The following SYNE1 variants were observed in gnomAD, a reference collection of about 807,000 sequenced individuals.
SYNE1 encodes nesprin-1.
In SYNE1, 616 loss-of-function variants were observed where a neutral mutation model predicts 1,111.0. The ratio of observed to expected loss-of-function variants is 0.55; its 90% confidence interval spans 0.52 to 0.59. The LOEUF is 0.59. SYNE1 is among the 20% of genes least tolerant of loss of function. The pLI is 0.00. For missense variants in SYNE1, 10,006 were observed against 10,417.0 expected (o/e 0.96, Z 1.72); for synonymous variants, 3,855 against 3,825.8 (o/e 1.01, Z -0.28).
intron 9 of SYNE1, among the ~76,000 whole-genome samples, chr6:152,503,223 AG>A (rs547485338): frequency 1.4e-3 from 219 of 152,262 alleles, no homozygotes; most frequent in Non-Finnish European, 2.0e-3. Context: ...AATATAGACA[AG>A]CCCCCTCTCT....
rs115563689 is a variant in SYNE1 at position 152,553,557 on chromosome 6, A to G, written c.68-13536T>C. On this transcript the variant is annotated intron_variant, in intron 3 of 145. Coordinates refer to ENST00000367255, the MANE Select transcript of SYNE1 (RefSeq NM_182961.4). ...GCTACAAACTATAAAGAGTTCTCCT[A>G]TCCACGGACATCTTGACCGCCTATC... Among the ~76,000 whole-genome samples the G allele has an allele frequency of 5.3e-3, 803 of 152,224 alleles. 3 individuals carry two copies. The highest frequency in any genetic ancestry group is 0.019 in the African/African-American group (782 of 41,526).
In SYNE1 at chr6:152,426,487, G is replaced by C. The variant is rs542258432; in HGVS notation, c.5101-940C>G. 4.6e-5 allele frequency among the ~76,000 whole-genome samples: 7 copies of C among 152,362 alleles called. No homozygotes were observed. The South Asian group carries it at 1.4e-3, about 32-fold the overall frequency. On this transcript the variant is annotated intron_variant, in intron 38 of 145. Transcript: ENST00000367255. ...GGCGAGGCTGCCTTACTGACGCAAT[G>C]TCAGGATGCAGGAGTAACAGAGTCT...
chr6:152,634,828 C>T lies in SYNE1; in HGVS notation c.-224+1810G>A, dbSNP rs561573363. Among the ~76,000 whole-genome samples, 702 of 152,336 alleles carry T rather than the reference C, an allele frequency of 4.6e-3. 3 individuals are homozygous for T. The highest frequency in any genetic ancestry group is 7.0e-3 in the Non-Finnish European group (475 of 68,042). On this transcript the variant is annotated intron_variant, in intron 2 of 145. Coordinates refer to ENST00000367255, the MANE Select transcript of SYNE1 (RefSeq NM_182961.4). ...TTCCCTTGCTACAGTATATTGCACA[C>T]CTTGCCAAACATTAGTTCTCGTTAG...
At chr6:152,590,798 C>T (rs1037568808) in intron 3 of SYNE1, among the ~76,000 whole-genome samples, 3 of 152,328 alleles carry the variant, frequency 2.0e-5, no homozygotes, top group African/African-American at 7.2e-5. Context: ...ACTCGTCTCA[C>T]ATACTAATTC....
chr6:152,390,387 C>G lies in SYNE1; in HGVS notation c.8070G>C (p.Gln2690His). The G allele has an allele frequency of 6.2e-7, 1 of 1,614,176 alleles. No individual in the cohort carries two copies. Among genetic ancestry groups the G allele is most frequent in the Non-Finnish European group, 8.5e-7 (1 of 1,180,024 alleles). ...CTTCTTTGTTGCTACTTCTCAAGGC[C>G]TGTTCCCCCTTGCCAATGGCCATAT... The part of the protein sequence containing the change: ...KLNMAIGKGE[Q>H]ALRSSNKEGQ... Residue 2690 changes from glutamine to histidine, a missense_variant, in exon 53 of 146, where the codon CAG (glutamine) becomes CAC (histidine). Coordinates refer to ENST00000367255, the MANE Select transcript of SYNE1 (RefSeq NM_182961.4).
chr6:152,308,823 T>C (rs1392399608), intron 90 of SYNE1, among the ~76,000 whole-genome samples, 191 bp from the exon 91 acceptor site: 1 of 152,220 alleles, frequency 6.6e-6, no homozygotes, highest in Non-Finnish European at 1.5e-5. Context: ...TAAAATGTTG[T>C]AGCAAAATTA....
intron 3 of SYNE1, among the ~76,000 whole-genome samples, chr6:152,596,385 A>T (rs1242236787): frequency 6.6e-6 from 1 of 150,912 alleles, no homozygotes; most frequent in African/African-American, 2.4e-5. Flanking sequence ...CATCCTGAGT[A>T]GCTGGGATTA....
At chr6:152,358,248 G>T in intron 66 of SYNE1, 125 bp downstream of exon 66, 1 of 1,275,370 alleles carries the variant, frequency 7.8e-7, no homozygotes, top group Non-Finnish European at 1.1e-6. Context: ...ACCTTATGGG[G>T]ATTGCACTTA....
In SYNE1 at chr6:152,347,121, C is replaced by T. The variant is rs886042919; in HGVS notation, c.12016G>A (p.Val4006Met). Residue 4006 changes from valine (V) to methionine (M), a missense_variant, in exon 73 of 146, where the codon GTG becomes ATG. Physicochemically the swap from Val to Met is conservative, Grantham distance 21 (BLOSUM62 1). Transcript: ENST00000367255. ...DHLQAKLKQN[V>M]HAHLQGTKDS... is the part of the protein sequence containing the mutation. ...TTTGTGCCCTGCAGATGAGCATGCA[C>T]GTTTTGTTTAAGTTTCGCTTGCAGG... The T allele has an allele frequency of 6.2e-7, 1 of 1,614,164 alleles. No homozygotes were observed. The highest frequency in any genetic ancestry group is 8.5e-7 in the Non-Finnish European group (1 of 1,180,036).
At chr6:152,409,334 T>C (rs1307849411) in intron 43 of SYNE1, 108 bp from the exon 44 acceptor site, 3 of 1,176,034 alleles carry the variant, frequency 2.6e-6, no homozygotes, top group Admixed American at 2.1e-5. Context: ...ATGCAGAAAT[T>C]AGTGATAGTG....
intron 126 of SYNE1, among the ~76,000 whole-genome samples, chr6:152,205,044 C>T (rs2763025): frequency 0.86 from 131,227 of 152,160 alleles, 56,725 homozygotes; most frequent in African/African-American, 0.91. Context: ...TTATAGATGT[C>T]CAGTGGCATT....
chr6:152,149,926 A>G (rs2060123640), intron 135 of SYNE1, among the ~76,000 whole-genome samples: 1 of 152,180 alleles, frequency 6.6e-6, no homozygotes, highest in African/African-American at 2.4e-5. Flanking sequence ...ATTTACCATC[A>G]CAGGTAGTGT....
chr6:152,131,329 TAA>T (rs34061887), intron 144 of SYNE1, among the ~76,000 whole-genome samples: 45,463 of 141,740 alleles, frequency 0.32, 7,209 homozygotes, highest in African/African-American at 0.39. Context: ...GTGAATGTAG[TAA>T]AAAAAAAAAA....
intron 130 of SYNE1, chr6:152,168,072 G>A (rs1307160476): frequency 1.3e-6 from 1 of 780,876 alleles, no homozygotes; most frequent in East Asian, 2.4e-5. Flanking sequence ...CACGTAACAT[G>A]AAAGCTATGT....
rs1397207262 is a variant in SYNE1 at position 152,122,334 on chromosome 6, G to A, written c.*102C>T. 16 of 1,596,634 alleles carry A rather than the reference G, an allele frequency of 1.0e-5. No homozygotes were observed. The highest frequency in any genetic ancestry group is 1.4e-5 in the Non-Finnish European group (16 of 1,167,612). ...GGAGGGCTAAAGCTGCCACACCGAG[G>A]GCTTTCGCCAAGATCAAGGTCCTCT... On this transcript the variant is annotated 3_prime_UTR_variant, in exon 146 of 146. Coordinates refer to ENST00000367255, the MANE Select transcript of SYNE1 (RefSeq NM_182961.4).
chr6:152,426,340 G>A (rs892338039), intron 38 of SYNE1, among the ~76,000 whole-genome samples: 2 of 152,246 alleles, frequency 1.3e-5, no homozygotes, highest in African/African-American at 4.8e-5. Context: ...GGAATACACA[G>A]CCTGTGGATG....
chr6:152,336,849 G>T lies in SYNE1; in HGVS notation c.12520C>A (p.Gln4174Lys), dbSNP rs751058621. 28 of 1,613,356 alleles carry T rather than the reference G, an allele frequency of 1.7e-5. No individual in the cohort carries two copies. Among genetic ancestry groups the T allele is most frequent in the Non-Finnish European group, 2.4e-5 (28 of 1,180,008 alleles). The part of the protein sequence containing the change: ...ELNIAQNMVS[Q>K]VKDFVKKLQS... Reference sequence around the variant, plus strand: ...GGCAAATTAATTCCCACCTTAACTTGTGAAACCATGTTCTGTGCAATGTTC... The same window carrying T: ...GGCAAATTAATTCCCACCTTAACTTTTGAAACCATGTTCTGTGCAATGTTC... The change falls in exon 76 of 146, where the codon CAA (glutamine) becomes AAA (lysine). Residue 4174 changes from glutamine to lysine, a missense_variant. Physicochemically the swap from Gln to Lys is moderately conservative, Grantham distance 53. This residue lies in a region of SYNE1 where 4,955 missense variants were observed against 5,017.2 expected (regional missense o/e 0.99). Coordinates refer to ENST00000367255, the MANE Select transcript of SYNE1 (RefSeq NM_182961.4).
chr6:152,619,859 T>C (rs2099671495), intron 3 of SYNE1, among the ~76,000 whole-genome samples: 1 of 152,064 alleles, frequency 6.6e-6, no homozygotes, highest in South Asian at 2.1e-4. Flanking sequence ...AGAAGAGACG[T>C]CTTACTCTGA....
At chr6:152,288,690 G>C (rs2094448319) in intron 95 of SYNE1, among the ~76,000 whole-genome samples, 1 of 152,092 alleles carries the variant, frequency 6.6e-6, no homozygotes, top group Admixed American at 6.6e-5. Context: ...GGGACTACAG[G>C]CTGCACCACC....
Sources: allele counts gnomAD v4.1 joint callset (sites outside exome capture counted in the v4.1 genomes callset), GRCh38; gene constraint gnomAD v4.1.1; regional missense constraint gnomAD v4.1.1; transcripts MANE v1.5; gene names NCBI Gene and HGNC (gene_info 2026-07-23, HGNC 2026-07-21).